CMSS1: variants seen among roughly 807,000 people sequenced by gnomAD.
The protein encoded by CMSS1 is cms1 ribosomal small subunit homolog.
In CMSS1, 33 loss-of-function variants were observed where a neutral mutation model predicts 43.5. The ratio of observed to expected loss-of-function variants is 0.76; its 90% CI spans 0.57 to 1.01. CMSS1 has a LOEUF of 1.01. Ranked by LOEUF, CMSS1 falls within the 50% of genes least tolerant of loss-of-function variation. The probability of loss-of-function intolerance (pLI) is 0.00; values close to 1 mark genes in which losing one functional copy is unlikely to be tolerated. For synonymous variants in CMSS1, 115 were observed against 117.2 expected (o/e 0.98, Z 0.12); for missense variants, 313 against 326.4 (o/e 0.96, Z 0.32).
intron 1 of CMSS1, among the ~76,000 whole-genome samples, chr3:100,115,607 C>CTG (rs2066557788): frequency 9.5e-6 from 1 of 105,602 alleles, no homozygotes; most frequent in African/African-American, 2.9e-5. Flanking sequence ...CTCTCTCTCT[C>CTG]TCTCTCTCTC....
chr3:100,116,630 G>A (rs541554843), intron 1 of CMSS1, among the ~76,000 whole-genome samples: 3 of 152,278 alleles, frequency 2.0e-5, no homozygotes, highest in Admixed American at 6.5e-5. Context: ...ACACACACGC[G>A]CGCCTATATC....
intron 7 of CMSS1, 157 bp from the exon 8 acceptor site, chr3:100,172,158 AG>A: frequency 1.5e-6 from 1 of 665,862 alleles, no homozygotes. Context: ...CCAGTTTTCT[AG>A]GGATATGCTC....
At chr3:99,961,681 C>A (rs4613498) in intron 1 of CMSS1, among the ~76,000 whole-genome samples, 1 of 152,066 alleles carries the variant, frequency 6.6e-6, no homozygotes, top group Non-Finnish European at 1.5e-5. Context: ...TTAGAATATT[C>A]TTTTATAAGT....
rs28728176 is a variant in CMSS1 at position 99,832,995 on chromosome 3, A to G, written c.64+14952A>G. 930 of 496,936 alleles carry G rather than the reference A, an allele frequency of 1.9e-3. 7 individuals carry two copies. Among genetic ancestry groups the G allele is most frequent in the African/African-American group, 0.017 (842 of 49,830 alleles). 30.8% of individuals were successfully genotyped at this position (496,936 alleles called of 1,614,324 possible). On this transcript the variant is annotated intron_variant, in intron 1 of 9. Transcript: ENST00000421999. ...AAATAGCTCCAAGAAAGTTTTGTCC[A>G]AATTTGGAATGCATATTGCAAGAGA...
chr3:99,883,498 T>C (rs939910251), intron 1 of CMSS1, among the ~76,000 whole-genome samples: 2 of 152,206 alleles, frequency 1.3e-5, no homozygotes, highest in Non-Finnish European at 2.9e-5. Flanking sequence ...CCTCCCCTTT[T>C]ATAGGCTATG....
intron 1 of CMSS1, among the ~76,000 whole-genome samples, chr3:99,868,082 G>T (rs1458608399): frequency 6.6e-6 from 1 of 152,130 alleles, no homozygotes; most frequent in East Asian, 1.9e-4. Flanking sequence ...TTTTTTGTGG[G>T]TGCATGGTAA....
At chr3:100,011,293 G>A (rs763874380) in intron 1 of CMSS1, among the ~76,000 whole-genome samples, 4 of 152,118 alleles carry the variant, frequency 2.6e-5, no homozygotes, top group East Asian at 1.9e-4. Context: ...AACTCGACAC[G>A]TGTTGATCTA....
intron 1 of CMSS1, among the ~76,000 whole-genome samples, chr3:100,121,870 G>A (rs1576086348): frequency 6.6e-6 from 1 of 152,292 alleles, no homozygotes; most frequent in East Asian, 1.9e-4. Flanking sequence ...AATAGGTGAG[G>A]CTGCTCCCAG....
At chr3:100,100,627 G>A (rs1415597933) in intron 1 of CMSS1, among the ~76,000 whole-genome samples, 1 of 152,196 alleles carries the variant, frequency 6.6e-6, no homozygotes. Flanking sequence ...GGAAGAATCA[G>A]AGGGAAGAAT....
chr3:99,926,498 A>G (rs1258697648), intron 1 of CMSS1, among the ~76,000 whole-genome samples: 1 of 152,232 alleles, frequency 6.6e-6, no homozygotes. Context: ...AGGAAAATTC[A>G]AATCAACTCC....
At chr3:100,051,480 A>G (rs1307886515) in intron 1 of CMSS1, among the ~76,000 whole-genome samples, 1 of 149,666 alleles carries the variant, frequency 6.7e-6, no homozygotes, top group African/African-American at 2.4e-5. Flanking sequence ...AACATTAGGT[A>G]TATCTCCTAA....
intron 1 of CMSS1, among the ~76,000 whole-genome samples, chr3:99,889,207 A>C (rs1532219): frequency 6.6e-6 from 1 of 151,700 alleles, no homozygotes; most frequent in South Asian, 2.1e-4. Flanking sequence ...GATGTGCTGT[A>C]CTCTCCCACT....
chr3:100,098,978 G>A (rs2066259881), intron 1 of CMSS1, among the ~76,000 whole-genome samples: 1 of 152,164 alleles, frequency 6.6e-6, no homozygotes, highest in African/African-American at 2.4e-5. Flanking sequence ...CATGGGATGT[G>A]GAGTAGAGTG....
At chr3:100,077,841 G>A (rs1171851454) in intron 1 of CMSS1, among the ~76,000 whole-genome samples, 1 of 152,084 alleles carries the variant, frequency 6.6e-6, no homozygotes, top group Non-Finnish European at 1.5e-5. Flanking sequence ...CCAGGAGGTA[G>A]AGGCTATAGT....
chr3:100,140,813 A>C (rs1389743356), intron 1 of CMSS1, among the ~76,000 whole-genome samples: 1 of 152,038 alleles, frequency 6.6e-6, no homozygotes, highest in Admixed American at 6.5e-5. Flanking sequence ...AAAGAAAAAA[A>C]ATTTTTTTAA....
At chr3:99,821,900 G>T (rs1462831443) in intron 1 of CMSS1, among the ~76,000 whole-genome samples, 1 of 152,068 alleles carries the variant, frequency 6.6e-6, no homozygotes, top group African/African-American at 2.4e-5. Flanking sequence ...ACAAAAATTA[G>T]CCAGGTGTGG....
intron 1 of CMSS1, among the ~76,000 whole-genome samples, chr3:99,882,080 T>C (rs1172588143): frequency 6.6e-6 from 1 of 152,180 alleles, no homozygotes; most frequent in Non-Finnish European, 1.5e-5. Context: ...GGAACTCAAA[T>C]AGAGCAATTC....
At chr3:100,107,211 C>T (rs2107468971) in intron 1 of CMSS1, among the ~76,000 whole-genome samples, 1 of 152,166 alleles carries the variant, frequency 6.6e-6, no homozygotes, top group Non-Finnish European at 1.5e-5. Context: ...ACTGAAATTG[C>T]CTTTTAAAGA....
At chr3:99,967,193 T>C (rs769931756) in intron 1 of CMSS1, among the ~76,000 whole-genome samples, 9 of 152,250 alleles carry the variant, frequency 5.9e-5, no homozygotes, top group Non-Finnish European at 1.0e-4. Flanking sequence ...TGTTCTTGGC[T>C]CTTAGCCCCA....
Sources: allele counts gnomAD v4.1 joint callset (sites outside exome capture counted in the v4.1 genomes callset), GRCh38; gene constraint gnomAD v4.1.1; transcripts MANE v1.5; gene names NCBI Gene and HGNC (gene_info 2026-07-23, HGNC 2026-07-21).